The following CNTN1 variants were observed in gnomAD, a reference collection of about 807,000 sequenced individuals.
CNTN1 encodes the protein contactin 1, also known as contactin-1.
CNTN1 carries 38 observed loss-of-function variants against 126.4 expected under a neutral mutation model. The observed-to-expected ratio is 0.30, with a 90% CI of 0.23 to 0.39. The LOEUF (loss-of-function observed/expected upper bound fraction) is 0.39. Ranked by LOEUF, CNTN1 falls within the 10% of genes least tolerant of loss-of-function variation. The pLI, the probability that CNTN1 is intolerant of heterozygous loss-of-function variation, is 1.00. For synonymous variants in CNTN1, 413 were observed against 422.6 expected (o/e 0.98, Z 0.28); for missense variants, 1,009 against 1,248.4 (o/e 0.81, Z 2.89).
intron 17 of CNTN1, among the ~76,000 whole-genome samples, chr12:41,001,560 C>G (rs889114020): frequency 6.6e-6 from 1 of 152,138 alleles, no homozygotes; most frequent in Non-Finnish European, 1.5e-5. Context: ...TCTGTTCACT[C>G]TGTTGTAGTT....
intron 1 of CNTN1, among the ~76,000 whole-genome samples, chr12:40,801,183 T>C (rs1940639723): frequency 6.6e-6 from 1 of 151,930 alleles, no homozygotes; most frequent in South Asian, 2.1e-4. Context: ...CAGTTCTAGA[T>C]GGTCAACTCC....
intron 14 of CNTN1, among the ~76,000 whole-genome samples, chr12:40,948,258 C>CTTTTTTTTTTTTTTTTTTT (rs58087551): frequency 1.4e-4 from 9 of 62,688 alleles, no homozygotes; most frequent in East Asian, 4.7e-4. Context: ...TTCTTTCTTT[C>CTTTTTTTTTTTTTTTTTTT]TTTTTTTTTT....
At position 40,702,607 on chromosome 12, in the gene CNTN1, G is replaced by A. The variant is rs913282596; in HGVS notation, c.-77+10015G>A. Among the ~76,000 whole-genome samples the A allele has an allele frequency of 7.2e-5, 11 of 151,962 alleles. No individual in the cohort carries two copies. The East Asian group carries it at 9.7e-4, about 13-fold the overall frequency. On this transcript the variant is annotated intron_variant, in intron 1 of 23. Coordinates refer to ENST00000551295, the MANE Select transcript of CNTN1 (RefSeq NM_001843.4). Reference sequence around the variant, plus strand: ...TTACAGGAGCCTGCCACCATGCTCCGCTAATTTTTTGTATTTTTAATAGAG... The same window carrying A: ...TTACAGGAGCCTGCCACCATGCTCCACTAATTTTTTGTATTTTTAATAGAG...
intron 1 of CNTN1, among the ~76,000 whole-genome samples, chr12:40,744,140 G>A (rs1253201663): frequency 6.6e-6 from 1 of 151,978 alleles, no homozygotes; most frequent in Non-Finnish European, 1.5e-5. Flanking sequence ...GTCAGTAGCA[G>A]GGGTAGAGGG....
chr12:40,907,879 C>A (rs1944888964), intron 1 of CNTN1, among the ~76,000 whole-genome samples: 1 of 152,176 alleles, frequency 6.6e-6, no homozygotes, highest in Admixed American at 6.5e-5. Flanking sequence ...CATCATCACC[C>A]TTGTGTAATG....
chr12:40,708,763 A>G, intron 1 of CNTN1, among the ~76,000 whole-genome samples: 1 of 152,178 alleles, frequency 6.6e-6, no homozygotes. Context: ...AGAGGAGGAG[A>G]TTCTATCTCA....
chr12:40,880,643 G>C (rs529899012), intron 1 of CNTN1, among the ~76,000 whole-genome samples: 1 of 152,112 alleles, frequency 6.6e-6, no homozygotes, highest in South Asian at 2.1e-4. Flanking sequence ...GTACTCCTTT[G>C]ACAATAAGTG....
At chr12:40,987,609 C>T (rs930997303) in intron 16 of CNTN1, among the ~76,000 whole-genome samples, 4 of 152,124 alleles carry the variant, frequency 2.6e-5, no homozygotes, top group African/African-American at 9.7e-5. Flanking sequence ...GATTATGCAA[C>T]ATGAAGAAAA....
chr12:40,842,841 TTGTTA>T (rs1471522074), intron 1 of CNTN1, among the ~76,000 whole-genome samples: 1 of 152,178 alleles, frequency 6.6e-6, no homozygotes, highest in Non-Finnish European at 1.5e-5. Flanking sequence ...TTTTAGGGAT[TTGTTA>T]TGTTTAATGT....
intron 4 of CNTN1, among the ~76,000 whole-genome samples, chr12:40,921,866 T>C (rs1945453897): frequency 6.6e-6 from 1 of 152,204 alleles, no homozygotes. Flanking sequence ...TTGTATTTTA[T>C]TTATGGTAGA....
chr12:40,748,445 A>G (rs1396178480), intron 1 of CNTN1, among the ~76,000 whole-genome samples: 2 of 152,140 alleles, frequency 1.3e-5, no homozygotes, highest in Non-Finnish European at 1.5e-5. Context: ...CTGGTAAATT[A>G]TATAACACAG....
intron 16 of CNTN1, among the ~76,000 whole-genome samples, chr12:40,983,941 CAT>C (rs1273334949): frequency 4.2e-5 from 6 of 143,088 alleles, no homozygotes; most frequent in Admixed American, 7.0e-5. Context: ...TATGCTATGT[CAT>C]ATATAGTAAT....
chr12:40,809,841 C>CAT (rs1279286777), intron 1 of CNTN1, among the ~76,000 whole-genome samples: 4 of 151,458 alleles, frequency 2.6e-5, no homozygotes, highest in African/African-American at 7.3e-5. Flanking sequence ...CACACACACA[C>CAT]ACACACACAA....
chr12:40,771,182 A>G (rs1939323143), intron 1 of CNTN1, among the ~76,000 whole-genome samples: 1 of 152,128 alleles, frequency 6.6e-6, no homozygotes, highest in Admixed American at 6.6e-5. Context: ...TAATTCTGCT[A>G]CAATTAGAGA....
At chr12:40,969,277 G>A (rs1364509550) in intron 15 of CNTN1, among the ~76,000 whole-genome samples, 1 of 152,102 alleles carries the variant, frequency 6.6e-6, no homozygotes, top group African/African-American at 2.4e-5. Flanking sequence ...ATATTAGAAT[G>A]AAGGAAACTC....
chr12:40,861,233 G>T (rs939728879), intron 1 of CNTN1, among the ~76,000 whole-genome samples: 1 of 151,790 alleles, frequency 6.6e-6, no homozygotes, highest in African/African-American at 2.4e-5. Context: ...TTCTCTTTCT[G>T]CAGACTTAAG....
At chr12:40,812,182 A>G (rs1264818970) in intron 1 of CNTN1, among the ~76,000 whole-genome samples, 1 of 151,614 alleles carries the variant, frequency 6.6e-6, no homozygotes, top group East Asian at 1.9e-4. Context: ...TAATTTCCAC[A>G]TGTTTGTGAA....
At chr12:40,738,270 C>T (rs1584090) in intron 1 of CNTN1, among the ~76,000 whole-genome samples, 2 of 151,712 alleles carry the variant, frequency 1.3e-5, no homozygotes, top group South Asian at 2.1e-4. Context: ...CCAACTAGTG[C>T]GGGAAAAGAA....
At chr12:41,008,655 C>A (rs1022579483) in intron 17 of CNTN1, among the ~76,000 whole-genome samples, 16 of 152,070 alleles carry the variant, frequency 1.1e-4, no homozygotes, top group African/African-American at 3.9e-4. Flanking sequence ...TTTAAACAAC[C>A]AACTATTCTT....
Sources: gnomAD v4.1 joint callset for allele counts (sites outside exome capture counted in the v4.1 genomes callset) on GRCh38, gnomAD v4.1.1 for gene constraint, MANE v1.5 for transcripts, NCBI Gene and HGNC (gene_info 2026-07-23, HGNC 2026-07-21) for gene names.